The following ROBO2 variants were observed in gnomAD, a reference collection of about 807,000 sequenced individuals.
ROBO2 encodes roundabout guidance receptor 2.
A neutral mutation model predicts 160.8 loss-of-function variants in ROBO2; 53 were observed. The ratio of observed to expected loss-of-function variants is 0.33; its 90% confidence interval spans 0.26 to 0.41. ROBO2 has a LOEUF of 0.41. ROBO2 is among the 10% of genes least tolerant of loss of function. The probability of loss-of-function intolerance (pLI) is 1.00; values close to 1 mark genes in which losing one functional copy is unlikely to be tolerated. For synonymous variants in ROBO2, 664 were observed against 611.7 expected, an observed-to-expected ratio of 1.09 and a Z score of -1.26; for missense variants, 1,577 against 1,722.4, an observed-to-expected ratio of 0.92 and a Z score of 1.49.
At chr3:77,241,183 A>G (rs979518375) in intron 2 of ROBO2, among the ~76,000 whole-genome samples, 4 of 152,244 alleles carry the variant, frequency 2.6e-5, no homozygotes, top group African/African-American at 9.6e-5. Flanking sequence ...AGACATATAC[A>G]TTCACTGAAC....
intron 2 of ROBO2, among the ~76,000 whole-genome samples, chr3:76,951,078 T>G (rs1369059390): frequency 6.6e-6 from 1 of 152,184 alleles, no homozygotes; most frequent in Non-Finnish European, 1.5e-5. Context: ...AGAGATTCAT[T>G]TAGTCACTTC....
At chr3:76,998,684 C>T (rs1248158934) in intron 2 of ROBO2, among the ~76,000 whole-genome samples, 2 of 152,098 alleles carry the variant, frequency 1.3e-5, no homozygotes, top group East Asian at 1.9e-4. Context: ...CCCTTCACAT[C>T]GTGATATTCT....
intron 6 of ROBO2, among the ~76,000 whole-genome samples, chr3:77,537,891 G>A (rs1300095554): frequency 2.6e-5 from 4 of 151,962 alleles, no homozygotes; most frequent in Admixed American, 6.6e-5. Context: ...ACCCTGCCCC[G>A]TGATTCAATT....
At chr3:76,338,485 TG>T (rs2074023629) in intron 2 of ROBO2, among the ~76,000 whole-genome samples, 2 of 151,884 alleles carry the variant, frequency 1.3e-5, no homozygotes, top group Admixed American at 1.3e-4. Flanking sequence ...AAGACCAGCC[TG>T]GGCGTCATAA....
chr3:76,499,381 T>C (rs2080336124), intron 2 of ROBO2, among the ~76,000 whole-genome samples: 1 of 152,228 alleles, frequency 6.6e-6, no homozygotes, highest in African/African-American at 2.4e-5. Context: ...AGTCCCTTTG[T>C]TGACACTCCT....
rs2071220829 is a variant in ROBO2, at chr3:76,865,060, A to G, written c.110-232954A>G. On this transcript the variant is annotated intron_variant, in intron 2 of 26. Coordinates refer to the ROBO2 transcript ENST00000487694. ...AATGGCACTATCATTAAAAATGTCAAGCATCAAGTTTATTTTCCCTAGAGA... is the reference window on the plus strand; with the variant it reads ...AATGGCACTATCATTAAAAATGTCAGGCATCAAGTTTATTTTCCCTAGAGA... Among the ~76,000 whole-genome samples the G allele has an allele frequency of 2.0e-5, 3 of 152,184 alleles. No individual in the cohort carries two copies. In the South Asian group the frequency reaches 6.2e-4, roughly 32 times the overall value.
chr3:77,321,719 T>C (rs1321938454), intron 2 of ROBO2, among the ~76,000 whole-genome samples: 2 of 152,062 alleles, frequency 1.3e-5, no homozygotes, highest in African/African-American at 4.8e-5. Flanking sequence ...ATGCCAAGAA[T>C]GAGCTATAAT....
intron 2 of ROBO2, among the ~76,000 whole-genome samples, chr3:76,141,060 C>CATATATATATATATATATATAT (rs55691222): frequency 0.046 from 2,444 of 53,364 alleles, 220 homozygotes; most frequent in Non-Finnish European, 0.056. Context: ...TTTTTACATA[C>CATATATATATATATATATATAT]ATATATATAT....
At chr3:76,199,278 C>T (rs558360139) in intron 2 of ROBO2, among the ~76,000 whole-genome samples, 48 of 152,218 alleles carry the variant, frequency 3.2e-4, no homozygotes, top group Middle Eastern at 3.4e-3. Context: ...AGGAAGGAGT[C>T]AAACCCCAGG....
At chr3:77,439,898 T>A (rs2079733573) in intron 2 of ROBO2, among the ~76,000 whole-genome samples, 1 of 152,182 alleles carries the variant, frequency 6.6e-6, no homozygotes, top group Non-Finnish European at 1.5e-5. Flanking sequence ...CTTAAGTGGT[T>A]TTTAATTAAG....
intron 2 of ROBO2, among the ~76,000 whole-genome samples, chr3:77,461,210 G>A (rs1229240886): frequency 6.6e-6 from 1 of 151,962 alleles, no homozygotes; most frequent in African/African-American, 2.4e-5. Context: ...TTTTTATTAT[G>A]CAAATTTATT....
chr3:76,960,172 A>G (rs950242479), intron 2 of ROBO2, among the ~76,000 whole-genome samples: 2 of 152,110 alleles, frequency 1.3e-5, no homozygotes, highest in South Asian at 2.1e-4. Flanking sequence ...AGAGGTTAAG[A>G]TGCAAAATCT....
chr3:76,790,410 T>G (rs1278641014), intron 2 of ROBO2, among the ~76,000 whole-genome samples: 1 of 151,724 alleles, frequency 6.6e-6, no homozygotes, highest in Non-Finnish European at 1.5e-5. Context: ...ATGACTGCAA[T>G]GGCATTGCCC....
At chr3:76,304,691 TTTG>T (rs1254038998) in intron 2 of ROBO2, among the ~76,000 whole-genome samples, 2 of 151,968 alleles carry the variant, frequency 1.3e-5, no homozygotes, top group Non-Finnish European at 2.9e-5. Flanking sequence ...CTCGTTTTAT[TTTG>T]TTGTTGTTTT....
At chr3:76,262,123 C>T (rs774907189) in intron 2 of ROBO2, among the ~76,000 whole-genome samples, 38 of 152,120 alleles carry the variant, frequency 2.5e-4, no homozygotes, top group Admixed American at 7.9e-4. Context: ...TTCAGTCTCT[C>T]TTACCTTTGC....
chr3:77,019,463 A>C (rs1172134123), intron 2 of ROBO2, among the ~76,000 whole-genome samples: 1 of 152,194 alleles, frequency 6.6e-6, no homozygotes, highest in Non-Finnish European at 1.5e-5. Flanking sequence ...GGGAGACACA[A>C]ACATGCAAAC....
rs142753731 is a variant in ROBO2, at chr3:76,677,230, G to A, written c.110-420784G>A. Among the ~76,000 whole-genome samples the A allele has an allele frequency of 5.7e-3, 870 of 152,146 alleles. 12 individuals are homozygous for A. Among genetic ancestry groups the A allele is most frequent in the African/African-American group, 0.02 (832 of 41,488 alleles). Reference sequence around the variant, plus strand: ...TTCTCTTGGACAGAAGAAGAAAAAAGGAGGTAGGAGGGAGAGAAGAAGGAG... The same window carrying A: ...TTCTCTTGGACAGAAGAAGAAAAAAAGAGGTAGGAGGGAGAGAAGAAGGAG... On this transcript the variant is annotated intron_variant, in intron 2 of 26. Transcript: ENST00000487694.
rs183748709 is a variant in ROBO2 at position 76,568,321 on chromosome 3, G to A, written c.110-529693G>A. Among the ~76,000 whole-genome samples the A allele has an allele frequency of 8.7e-4, 131 of 151,376 alleles. 1 individual carries two copies. The highest frequency in any genetic ancestry group is 2.8e-3 in the African/African-American group (116 of 41,226). On this transcript the variant is annotated intron_variant, in intron 2 of 26. Transcript: ENST00000487694. ...TAATTTTATTTATTTATTTTGAGGC[G>A]GAGTCTCGCTCTGTCACCCAGGCTG...
intron 2 of ROBO2, among the ~76,000 whole-genome samples, chr3:77,275,303 C>A (rs2059756476): frequency 6.6e-6 from 1 of 152,080 alleles, no homozygotes. Context: ...CAAAACTAAA[C>A]CTTCTGTCAT....
Sources: gnomAD v4.1 joint callset for allele counts (sites outside exome capture counted in the v4.1 genomes callset) on GRCh38, gnomAD v4.1.1 for gene constraint, MANE v1.5 for transcripts, NCBI Gene and HGNC (gene_info 2026-07-23, HGNC 2026-07-21) for gene names.